The following OR6N1 variants were observed in gnomAD, a reference collection of about 807,000 sequenced individuals.
OR6N1 encodes the protein olfactory receptor family 6 subfamily N member 1, also known as olfactory receptor 6N1.
For synonymous variants in OR6N1, 170 were observed against 150.7 expected (o/e 1.13, Z -0.94); for missense variants, 394 against 371.7 (o/e 1.06, Z -0.49).
rs374981578 is a variant in OR6N1 at position 158,766,323 on chromosome 1, G to A, written c.360C>T (p.Tyr120=). 26 of 1,614,100 alleles carry A rather than the reference G, an allele frequency of 1.6e-5. No homozygotes were observed. The highest frequency in any genetic ancestry group is 4.4e-5 in the South Asian group (4 of 91,084). Residue 120 remains tyrosine (Y), a synonymous_variant, in exon 2 of 2, where the codon TAC becomes TAT. Transcript: ENST00000641846. The part of the protein sequence containing the change: ...TECYLLTAMA[Y]DRYLAICRPL... ...GCCGGCAGATGGCTAAATACCTATC[G>A]TAGGCCATAGCTGTCAGGAGATAGC...
At chr1:158,785,089 G>C in the OR6N1 span, among the ~76,000 whole-genome samples, 2 of 152,206 alleles carry the variant, frequency 1.3e-5, no homozygotes, top group South Asian at 4.1e-4. Flanking sequence ...CTTATTGCCT[G>C]ACCCAGTGTT....
chr1:158,771,680 G>A (rs984274025), intron 1 of OR6N1, among the ~76,000 whole-genome samples: 1 of 152,182 alleles, frequency 6.6e-6, no homozygotes, highest in African/African-American at 2.4e-5. Context: ...TAAGAAGGGA[G>A]ATGCAATTTT....
the OR6N1 span, among the ~76,000 whole-genome samples, chr1:158,783,042 A>G: frequency 6.6e-6 from 1 of 152,218 alleles, no homozygotes; most frequent in Non-Finnish European, 1.5e-5. Context: ...GTTCCCTATT[A>G]GAGAACTGTA....
chr1:158,814,478 G>A, the OR6N1 span, among the ~76,000 whole-genome samples: 30 of 152,140 alleles, frequency 2.0e-4, no homozygotes, highest in Non-Finnish European at 3.8e-4. Flanking sequence ...CCGCAGATTC[G>A]GTGGCTTATA....
chr1:158,795,991 T>G, the OR6N1 span: 3 of 152,218 alleles, frequency 2.0e-5, no homozygotes, highest in Admixed American at 1.3e-4. Context: ...GCCTTCAACC[T>G]GCCATCATGG....
chr1:158,778,268 C>T, the OR6N1 span, among the ~76,000 whole-genome samples: 1 of 152,274 alleles, frequency 6.6e-6, no homozygotes, highest in East Asian at 1.9e-4. Flanking sequence ...AAGCAGACAT[C>T]TCAATAGGAT....
At chr1:158,772,776 T>C (rs1657454597), upstream of OR6N1, among the ~76,000 whole-genome samples, 1 of 152,178 alleles carries the variant, frequency 6.6e-6, no homozygotes, top group Non-Finnish European at 1.5e-5. Flanking sequence ...TCCAAATACT[T>C]ATGAGACATT....
At chr1:158,787,612 A>ATCTCTC in the OR6N1 span, among the ~76,000 whole-genome samples, 3 of 89,210 alleles carry the variant, frequency 3.4e-5, no homozygotes, top group Admixed American at 1.1e-4. Context: ...CTCTCTATCT[A>ATCTCTC]TCTCTCTATC....
At chr1:158,767,930 A>G (rs1475500848) in intron 1 of OR6N1, among the ~76,000 whole-genome samples, 1 of 152,110 alleles carries the variant, frequency 6.6e-6, no homozygotes, top group African/African-American at 2.4e-5. Flanking sequence ...GATTTCCTGG[A>G]TCCAATGGTC....
the OR6N1 span, among the ~76,000 whole-genome samples, chr1:158,786,700 A>G: frequency 6.6e-6 from 1 of 152,214 alleles, no homozygotes; most frequent in Non-Finnish European, 1.5e-5. Flanking sequence ...TATTTGCAGC[A>G]AGTTGGATGG....
In OR6N1 at chr1:158,765,069, A is replaced by C. The variant is rs921726194; in HGVS notation, c.*675T>G. On this transcript the variant is annotated 3_prime_UTR_variant, in exon 2 of 2. Transcript: ENST00000641846. The stretch of plus-strand genomic sequence containing the variant: ...GTGAAGTCTTCGCAGAATAAAATAA[A>C]TAAAAACAAGTCCTTATTTATTTAC... 6.6e-6 allele frequency: 1 copy of C among 152,188 alleles called. No homozygotes were observed. The highest frequency in any genetic ancestry group is 1.5e-5 in the Non-Finnish European group (1 of 68,020). 9.4% of individuals were successfully genotyped at this position (152,188 alleles called of 1,614,324 possible).
the OR6N1 span, among the ~76,000 whole-genome samples, chr1:158,799,676 T>C: frequency 6.6e-6 from 1 of 152,240 alleles, no homozygotes; most frequent in East Asian, 1.9e-4. Flanking sequence ...CGTATGTTTG[T>C]GTAGTCAGGG....
the OR6N1 span, among the ~76,000 whole-genome samples, chr1:158,805,017 T>G: frequency 6.6e-6 from 1 of 152,308 alleles, no homozygotes; most frequent in African/African-American, 2.4e-5. Flanking sequence ...TAAGATGAAT[T>G]TTTGAACCTT....
chr1:158,769,956 G>T (rs1040258630), intron 1 of OR6N1, among the ~76,000 whole-genome samples: 1 of 152,010 alleles, frequency 6.6e-6, no homozygotes, highest in African/African-American at 2.4e-5. Flanking sequence ...TTCTATAAAG[G>T]ATTATCCCTA....
At chr1:158,787,671 A>G in the OR6N1 span, among the ~76,000 whole-genome samples, 5 of 144,654 alleles carry the variant, frequency 3.5e-5, no homozygotes, top group Admixed American at 3.4e-4. Context: ...ACACACACAC[A>G]TACACAAATA....
rs767722030 is a variant in OR6N1, at chr1:158,766,075, T to A, written c.608A>T (p.Asn203Ile). 1 of 1,614,082 alleles carries A rather than the reference T, an allele frequency of 6.2e-7. No individual in the cohort carries two copies. The highest frequency in any genetic ancestry group is 2.2e-5 in the East Asian group (1 of 44,864). ...SINVLVDFVI[N>I]SCKILATFLL... is the part of the protein sequence containing the mutation. Reference sequence around the variant, plus strand: ...GAAGGTGGCTAGGATCTTGCAGGAATTTATAACAAAATCTACTAGGACATT... The same window carrying A: ...GAAGGTGGCTAGGATCTTGCAGGAAATTATAACAAAATCTACTAGGACATT... The change falls in exon 2 of 2, where the codon AAT (asparagine) becomes ATT (isoleucine). Residue 203 changes from asparagine (N) to isoleucine (I), a missense_variant. By Grantham distance (149) the Asn-to-Ile change is moderately radical. Transcript: ENST00000641846.
At chr1:158,779,022 A>G in the OR6N1 span, among the ~76,000 whole-genome samples, 6 of 151,274 alleles carry the variant, frequency 4.0e-5, no homozygotes, top group Non-Finnish European at 8.9e-5. Context: ...GCGTCTCAAA[A>G]AAAAAAAAAA....
At chr1:158,796,504 A>G in the OR6N1 span, among the ~76,000 whole-genome samples, 1 of 152,162 alleles carries the variant, frequency 6.6e-6, no homozygotes, top group African/African-American at 2.4e-5. Flanking sequence ...TCCGCTGTTG[A>G]GAGCCTCTAA....
the OR6N1 span, chr1:158,795,964 A>G: frequency 6.6e-6 from 1 of 152,266 alleles, no homozygotes; most frequent in African/African-American, 2.4e-5. Flanking sequence ...TCTAAGTGGT[A>G]GAATCACGTT....
Sources: gnomAD v4.1 joint callset for allele counts (sites outside exome capture counted in the v4.1 genomes callset) on GRCh38, gnomAD v4.1.1 for gene constraint, MANE v1.5 for transcripts, NCBI Gene and HGNC (gene_info 2026-07-23, HGNC 2026-07-21) for gene names.